Variants in MYOZ1 observed in about 807,000 individuals in gnomAD.
MYOZ1 encodes myozenin-1.
MYOZ1 carries 20 observed loss-of-function variants against 28.7 expected under a neutral mutation model. That is an observed-to-expected ratio of 0.70 (90% CI 0.49 to 1.01). The LOEUF (loss-of-function observed/expected upper bound fraction) is 1.01, where lower values mean the gene tolerates loss of function less well. MYOZ1 is among the 50% of genes least tolerant of loss of function. The pLI is 0.00. For missense variants in MYOZ1, 371 were observed against 372.4 expected, an observed-to-expected ratio of 1.00 and a Z score of 0.03; for synonymous variants, 144 against 145.8, an observed-to-expected ratio of 0.99 and a Z score of 0.09.
intron 2 of MYOZ1, among the ~76,000 whole-genome samples, chr10:73,638,759 TG>T (rs1322844915): frequency 1.4e-4 from 21 of 151,712 alleles, no homozygotes; most frequent in Non-Finnish European, 2.8e-4. Flanking sequence ...CTCCATCTCC[TG>T]GGTTCAAGTG....
chr10:73,633,062 C>T (rs1372776488), intron 5 of MYOZ1, among the ~76,000 whole-genome samples: 2 of 151,152 alleles, frequency 1.3e-5, no homozygotes, highest in Admixed American at 1.3e-4. Context: ...TTTGGGAGCC[C>T]GAGGCGGGCA....
chr10:73,632,622 C>G (rs1463219331), intron 5 of MYOZ1, among the ~76,000 whole-genome samples: 2 of 150,602 alleles, frequency 1.3e-5, no homozygotes, highest in Admixed American at 1.3e-4. Flanking sequence ...AACACCCCCC[C>G]CCCAAAAAAA....
intron 4 of MYOZ1, among the ~76,000 whole-genome samples, 181 bp from the exon 5 acceptor site, chr10:73,634,246 G>A (rs539272074): frequency 8.5e-5 from 13 of 152,180 alleles, no homozygotes; most frequent in South Asian, 4.2e-4. Context: ...GACTGAATCC[G>A]AAAAGCCAGG....
chr10:73,635,883 G>T (rs931921510), intron 3 of MYOZ1, among the ~76,000 whole-genome samples: 3 of 152,058 alleles, frequency 2.0e-5, no homozygotes, highest in Middle Eastern at 3.2e-3. Context: ...GGGGAAGTGT[G>T]GCCAAAAGGG....
chr10:73,635,871 G>T (rs1378682387), intron 3 of MYOZ1, among the ~76,000 whole-genome samples: 7 of 152,106 alleles, frequency 4.6e-5, no homozygotes, highest in Non-Finnish European at 1.0e-4. Flanking sequence ...TGTAGCAGGT[G>T]GGGGGAAGTG....
rs188206000 is a variant in MYOZ1, at chr10:73,634,753, A to G, written c.253-20T>C. Reference sequence around the variant, plus strand: ...GTGATCCTGAAAAGAAGACAAAGTGAGGGGAAGGTTAGCAATGGGTATGGA... The same window carrying G: ...GTGATCCTGAAAAGAAGACAAAGTGGGGGGAAGGTTAGCAATGGGTATGGA... On this transcript the variant is annotated intron_variant, in intron 3 of 5. Transcript: ENST00000359322. 598 of 1,606,498 alleles carry G rather than the reference A, an allele frequency of 3.7e-4. 7 individuals carry two copies. The African/African-American group carries it at 6.3e-3, about 17-fold the overall frequency.
chr10:73,632,544 C>T lies in MYOZ1; in HGVS notation c.669-383G>A, dbSNP rs536447230. Among the ~76,000 whole-genome samples the T allele has an allele frequency of 1.1e-4, 16 of 151,826 alleles. No homozygotes were observed. In the East Asian group the frequency reaches 3.1e-3, roughly 30 times the overall value. On this transcript the variant is annotated intron_variant, in intron 5 of 5. Coordinates refer to ENST00000359322, the MANE Select transcript of MYOZ1 (RefSeq NM_021245.4). ...TTTTGGGAGGCCAAGGTGGGTGGAT[C>T]ACTTGAGACCAGGAGTTTGAGACTA...
chr10:73,639,943 A>T lies in MYOZ1; in HGVS notation c.73+2T>A. The stretch of plus-strand genomic sequence containing the variant: ...CACTAGGGAGATGCAAACATGTCCT[A>T]CCTCCAGTGAGTTCCATGATCAGCT... On this transcript the variant is annotated splice_donor_variant, in intron 2 of 5. Transcript: ENST00000359322. LOFTEE classifies it high-confidence loss of function. 1 of 1,613,556 alleles carries T rather than the reference A, an allele frequency of 6.2e-7. No individual in the cohort carries two copies. Among genetic ancestry groups the T allele is most frequent in the Non-Finnish European group, 8.5e-7 (1 of 1,179,776 alleles).
In MYOZ1 at chr10:73,640,853, T is replaced by C. The variant is rs987537715; in HGVS notation, c.-19+558A>G. Among the ~76,000 whole-genome samples the C allele has an allele frequency of 1.2e-4, 19 of 152,198 alleles. No individual in the cohort carries two copies. In the Middle Eastern group the frequency reaches 0.014, roughly 109 times the overall value. ...ATAGGAAGGAGAGGTTGTTGCTCCT[T>C]CATCAGGCCAGCTGGAACATGGCCT... is the stretch of plus-strand genomic sequence containing the variant. On this transcript the variant is annotated intron_variant, in intron 1 of 5. Transcript: ENST00000359322.
rs2081666841 is a variant in MYOZ1 at position 73,636,283 on chromosome 10, C to G, written c.252+1461G>C. On this transcript the variant is annotated intron_variant, in intron 3 of 5. Transcript: ENST00000359322. ...CTGACTAGAATATATCTTGAAGGAC[C>G]GTTTCAGTCTCCACACCTGGGGCTT... is the stretch of plus-strand genomic sequence containing the variant. 6.6e-5 allele frequency among the ~76,000 whole-genome samples: 10 copies of G among 152,040 alleles called. No homozygotes were observed. In the South Asian group the frequency reaches 2.1e-3, roughly 32 times the overall value.
intron 5 of MYOZ1, among the ~76,000 whole-genome samples, chr10:73,632,626 A>C (rs545342214): frequency 3.8e-4 from 55 of 143,690 alleles, no homozygotes; most frequent in Middle Eastern, 3.7e-3. Flanking sequence ...CCCCCCCCCC[A>C]AAAAAAAATT....
intron 5 of MYOZ1, 121 bp downstream of exon 5, chr10:73,633,779 C>G (rs2081649988): frequency 9.3e-7 from 1 of 1,076,350 alleles, no homozygotes; most frequent in Non-Finnish European, 1.3e-6. Context: ...TGATTAGGAC[C>G]CCCATATCCC....
intron 2 of MYOZ1, 111 bp from the exon 3 acceptor site, chr10:73,638,033 G>A: frequency 1.0e-6 from 1 of 958,356 alleles, no homozygotes; most frequent in South Asian, 1.6e-5. Flanking sequence ...CCTGGCAGAG[G>A]TCATTTAGGG....
chr10:73,635,121 C>T (rs2081659610), intron 3 of MYOZ1, among the ~76,000 whole-genome samples: 1 of 152,048 alleles, frequency 6.6e-6, no homozygotes, highest in Non-Finnish European at 1.5e-5. Context: ...GGTGGGGTTT[C>T]TGCACGTTGG....
In MYOZ1 at chr10:73,637,881, T is replaced by C. The variant is rs1261013962; in HGVS notation, c.115A>G (p.Ser39Gly). 1 of 1,613,936 alleles carries C rather than the reference T, an allele frequency of 6.2e-7. No individual in the cohort carries two copies. The highest frequency in any genetic ancestry group is 8.5e-7 in the Non-Finnish European group (1 of 1,179,996). Residue 39 changes from serine (S) to glycine (G), a missense_variant, in exon 3 of 6, where the codon AGT (serine) becomes GGT (glycine). Ser to Gly is a moderately conservative substitution (Grantham distance 56, BLOSUM62 0). Coordinates refer to ENST00000359322, the MANE Select transcript of MYOZ1 (RefSeq NM_021245.4). ...SSGLNLGKKI[S>G]VPRDVMLEEL... Reference sequence around the variant, plus strand: ...TCCAACATCACATCCCTTGGGACACTGATCTTTTTGCCCAGGTTCAAGCCT... The same window carrying C: ...TCCAACATCACATCCCTTGGGACACCGATCTTTTTGCCCAGGTTCAAGCCT...
At chr10:73,640,107 G>T in intron 1 of MYOZ1, 72 bp from the exon 2 acceptor site, 1 of 1,317,814 alleles carries the variant, frequency 7.6e-7, no homozygotes, top group Non-Finnish European at 1.1e-6. Flanking sequence ...TAGGAGAGCA[G>T]CACTTCTTAA....
At chr10:73,635,203 C>T (rs2081660406) in intron 3 of MYOZ1, among the ~76,000 whole-genome samples, 1 of 151,968 alleles carries the variant, frequency 6.6e-6, no homozygotes, top group Non-Finnish European at 1.5e-5. Context: ...GGATTACAGG[C>T]GTTAGCCACC....
chr10:73,634,882 TG>T (rs1458345227), intron 3 of MYOZ1, 149 bp from the exon 4 acceptor site: 1 of 879,400 alleles, frequency 1.1e-6, no homozygotes, highest in Non-Finnish European at 1.7e-6. Context: ...GGGTAGTACA[TG>T]GGCTGACTAA....
At chr10:73,633,225 A>G (rs2081646481) in intron 5 of MYOZ1, among the ~76,000 whole-genome samples, 1 of 152,172 alleles carries the variant, frequency 6.6e-6, no homozygotes, top group Non-Finnish European at 1.5e-5. Context: ...TGAACCCAGG[A>G]GGCGGAGGTT....
Sources: gnomAD v4.1 joint callset for allele counts (sites outside exome capture counted in the v4.1 genomes callset) on GRCh38, gnomAD v4.1.1 for gene constraint, MANE v1.5 for transcripts, NCBI Gene and HGNC (gene_info 2026-07-23, HGNC 2026-07-21) for gene names.